Variants in MARCHF1 observed in about 807,000 individuals in gnomAD.
MARCHF1 encodes membrane associated ring-CH-type finger 1.
MARCHF1 carries 40 observed loss-of-function variants against 54.2 expected under a neutral mutation model. The ratio of observed to expected loss-of-function variants is 0.74; its 90% CI spans 0.57 to 0.96. The LOEUF is 0.96. MARCHF1 is among the 40% of genes least tolerant of loss of function. MARCHF1 has a pLI of 0.00. For missense variants in MARCHF1, 586 were observed against 656.5 expected, an observed-to-expected ratio of 0.89 and a Z score of 1.17; for synonymous variants, 236 against 236.3, an observed-to-expected ratio of 1.00 and a Z score of 0.01.
chr4:163,850,612 A>G (rs370571890), intron 4 of MARCHF1, among the ~76,000 whole-genome samples: 2 of 152,232 alleles, frequency 1.3e-5, no homozygotes, highest in African/African-American at 2.4e-5. Flanking sequence ...AATCTAAAAT[A>G]TACAGCATTT....
chr4:163,807,024 AT>A (rs1372064408), intron 4 of MARCHF1, among the ~76,000 whole-genome samples: 2 of 152,248 alleles, frequency 1.3e-5, no homozygotes, highest in Non-Finnish European at 2.9e-5. Context: ...ATCAGATAAA[AT>A]ATGCAAAATA....
At chr4:163,576,066 T>C (rs1026302219) in intron 8 of MARCHF1, among the ~76,000 whole-genome samples, 1 of 151,992 alleles carries the variant, frequency 6.6e-6, no homozygotes, top group Non-Finnish European at 1.5e-5. Context: ...ATTTTAGTTT[T>C]TTTTCTTCTT....
intron 5 of MARCHF1, among the ~76,000 whole-genome samples, chr4:163,650,179 AG>A (rs1365135377): frequency 2.6e-5 from 4 of 151,992 alleles, no homozygotes; most frequent in Non-Finnish European, 5.9e-5. Context: ...ATATTTAAAA[AG>A]CTGTATGGAA....
chr4:164,294,522 A>G (rs1734364014), intron 1 of MARCHF1, among the ~76,000 whole-genome samples: 1 of 152,184 alleles, frequency 6.6e-6, no homozygotes, highest in Non-Finnish European at 1.5e-5. Context: ...GCTGCAAAAA[A>G]CAACTGCTTC....
At chr4:163,682,418 G>C (rs939687866) in intron 5 of MARCHF1, among the ~76,000 whole-genome samples, 1 of 152,168 alleles carries the variant, frequency 6.6e-6, no homozygotes, top group Non-Finnish European at 1.5e-5. Flanking sequence ...TCTAGGGCAC[G>C]GCAGAGACCT....
chr4:164,312,326 T>C lies in MARCHF1; in HGVS notation c.-323+71544A>G, dbSNP rs957774771. 2.8e-4 allele frequency among the ~76,000 whole-genome samples: 38 copies of C among 138,148 alleles called. No individual in the cohort carries two copies. In the South Asian group the frequency reaches 2.8e-3, roughly 10 times the overall value. The allele number at this position is 138,148 out of a possible 152,430, so 90.6% of individuals were successfully genotyped here. A position where few individuals can be genotyped will look rare whatever the true frequency, so the allele number is the denominator to read the frequency against. On this transcript the variant is annotated intron_variant, in intron 1 of 9. Transcript: ENST00000514618. Reference sequence around the variant, plus strand: ...GTGAATTATTTTCTTTTTCTTTTTTTTTTTTTTTTTTTTTGAGACGCAGTC... The same window carrying C: ...GTGAATTATTTTCTTTTTCTTTTTTCTTTTTTTTTTTTTTGAGACGCAGTC...
At chr4:163,937,371 C>CT (rs1420577173) in intron 3 of MARCHF1, among the ~76,000 whole-genome samples, 3 of 151,838 alleles carry the variant, frequency 2.0e-5, no homozygotes, top group Non-Finnish European at 4.4e-5. Flanking sequence ...GAATTTTTCA[C>CT]TTCTTTATTT....
At chr4:164,112,245 C>A (rs1352225347) in intron 1 of MARCHF1, among the ~76,000 whole-genome samples, 2 of 151,880 alleles carry the variant, frequency 1.3e-5, no homozygotes, top group Non-Finnish European at 1.5e-5. Context: ...TACTTCACTA[C>A]CTCTATTATC....
chr4:163,826,824 G>C (rs1340120184), intron 4 of MARCHF1, among the ~76,000 whole-genome samples: 2 of 151,960 alleles, frequency 1.3e-5, no homozygotes, highest in Non-Finnish European at 2.9e-5. Context: ...TCTGGCAGGG[G>C]CTAGAAAGTA....
intron 1 of MARCHF1, among the ~76,000 whole-genome samples, chr4:164,195,948 T>C (rs1731243959): frequency 6.6e-6 from 1 of 152,142 alleles, no homozygotes; most frequent in African/African-American, 2.4e-5. Flanking sequence ...TCCAATTCTA[T>C]GCTAAAAACA....
intron 4 of MARCHF1, among the ~76,000 whole-genome samples, chr4:163,743,569 T>C (rs1372822425): frequency 7.1e-6 from 1 of 141,574 alleles, no homozygotes; most frequent in Non-Finnish European, 1.5e-5. Flanking sequence ...GGAAAGATGA[T>C]ACACCATCTT....
chr4:163,705,803 T>C (rs1744934142), intron 4 of MARCHF1, among the ~76,000 whole-genome samples: 1 of 152,038 alleles, frequency 6.6e-6, no homozygotes, highest in South Asian at 2.1e-4. Flanking sequence ...CAACTTGTTT[T>C]AGAGTTTTTA....
chr4:163,905,464 T>G (rs902347700), intron 3 of MARCHF1, among the ~76,000 whole-genome samples: 3 of 152,098 alleles, frequency 2.0e-5, no homozygotes, highest in African/African-American at 4.8e-5. Context: ...TGAGCTAACT[T>G]CAATCTCAAG....
rs1342758860 is a variant in MARCHF1 at position 163,528,304 on chromosome 4, G to A, written c.*444C>T. 1 of 146,122 alleles carries A rather than the reference G, an allele frequency of 6.8e-6. No homozygotes were observed. Among genetic ancestry groups the A allele is most frequent in the African/African-American group, 2.5e-5 (1 of 39,470 alleles). The allele number at this position is 146,122 out of a possible 1,614,324, so 9.1% of individuals were successfully genotyped here. ...CTTAGGGATAATGCAGACAATTTCAGGCTTAAAACCAAATATGTTAGTTAT... is the reference window on the plus strand; with the variant it reads ...CTTAGGGATAATGCAGACAATTTCAAGCTTAAAACCAAATATGTTAGTTAT... On this transcript the variant is annotated 3_prime_UTR_variant, in exon 10 of 10. Coordinates refer to ENST00000514618, the MANE Select transcript of MARCHF1 (RefSeq NM_001394959.1).
At chr4:163,681,534 T>C (rs904074020) in intron 5 of MARCHF1, among the ~76,000 whole-genome samples, 1 of 152,162 alleles carries the variant, frequency 6.6e-6, no homozygotes, top group African/African-American at 2.4e-5. Context: ...TTCAGGTAAC[T>C]GAATTATGGG....
intron 1 of MARCHF1, among the ~76,000 whole-genome samples, chr4:164,158,062 G>A (rs1224233232): frequency 6.6e-6 from 1 of 152,084 alleles, no homozygotes; most frequent in Non-Finnish European, 1.5e-5. Context: ...GCAGCACACA[G>A]GGCAAGTATT....
intron 1 of MARCHF1, among the ~76,000 whole-genome samples, chr4:164,351,827 C>T (rs1416396323): frequency 6.6e-6 from 1 of 151,114 alleles, no homozygotes; most frequent in Admixed American, 6.6e-5. Context: ...TACGGGAGGA[C>T]ATTCAAACCA....
intron 4 of MARCHF1, among the ~76,000 whole-genome samples, chr4:163,725,813 A>G (rs1198843608): frequency 6.6e-6 from 1 of 152,194 alleles, no homozygotes; most frequent in African/African-American, 2.4e-5. Context: ...TCCTGAAAGA[A>G]TTAAATGAGA....
At chr4:163,877,225 A>G (rs1750308979) in intron 3 of MARCHF1, among the ~76,000 whole-genome samples, 2 of 152,122 alleles carry the variant, frequency 1.3e-5, no homozygotes, top group East Asian at 1.9e-4. Context: ...CCTACTGAAA[A>G]GTTCTTGATT....
Sources: gnomAD v4.1 joint callset for allele counts (sites outside exome capture counted in the v4.1 genomes callset) on GRCh38, gnomAD v4.1.1 for gene constraint, MANE v1.5 for transcripts, NCBI Gene and HGNC (gene_info 2026-07-23, HGNC 2026-07-21) for gene names.